SLC35F3: variants seen among roughly 807,000 people sequenced by gnomAD.
SLC35F3 encodes the protein putative thiamine transporter SLC35F3.
In SLC35F3, 25 loss-of-function variants were observed where a neutral mutation model predicts 49.9. The observed-to-expected ratio is 0.50, with a 90% CI of 0.37 to 0.70. The LOEUF is 0.70. SLC35F3 is among the 30% of genes least tolerant of loss of function. The pLI, the probability that SLC35F3 is intolerant of heterozygous loss-of-function variation, is 0.00. For missense variants in SLC35F3, 525 were observed against 639.8 expected, an observed-to-expected ratio of 0.82 and a Z score of 1.94; for synonymous variants, 275 against 265.4, an observed-to-expected ratio of 1.04 and a Z score of -0.35.
chr1:234,127,618 G>A (rs1380801517), intron 2 of SLC35F3, among the ~76,000 whole-genome samples: 1 of 152,200 alleles, frequency 6.6e-6, no homozygotes. Context: ...TAATGTAAGA[G>A]AATGTCATAA....
chr1:234,123,631 T>C (rs933354145), intron 2 of SLC35F3, among the ~76,000 whole-genome samples: 1 of 151,530 alleles, frequency 6.6e-6, no homozygotes, highest in Non-Finnish European at 1.5e-5. Context: ...TTGCCCAGGC[T>C]ATTCTTGAAC....
intron 2 of SLC35F3, among the ~76,000 whole-genome samples, chr1:234,140,002 A>AATAAAATAAAATAAATAAAATAAAAT: frequency 1.9e-5 from 2 of 105,368 alleles, no homozygotes; most frequent in Admixed American, 9.0e-5. Context: ...AATAAAATAA[A>AATAAAATAAAATAAATAAAATAAAAT]GTAAGTGACT....
intron 2 of SLC35F3, among the ~76,000 whole-genome samples, chr1:233,971,370 G>A (rs147935813): frequency 6.6e-6 from 1 of 152,314 alleles, no homozygotes; most frequent in African/African-American, 2.4e-5. Context: ...AGGAAAGAGA[G>A]GAGGAAAAAA....
chr1:234,143,293 T>TTTTCTTTTC (rs1558241205), intron 2 of SLC35F3, among the ~76,000 whole-genome samples: 19 of 104,520 alleles, frequency 1.8e-4, no homozygotes, highest in African/African-American at 7.7e-4. Flanking sequence ...CTTTTCTTTT[T>TTTTCTTTTC]TTTTTTTTTT....
intron 2 of SLC35F3, among the ~76,000 whole-genome samples, chr1:233,971,298 A>G (rs1662987781): frequency 1.3e-5 from 2 of 152,244 alleles, no homozygotes; most frequent in African/African-American, 4.8e-5. Flanking sequence ...ATTACGAAGG[A>G]GAAGAACCAC....
Position 234,214,012 on chromosome 1 carries a change from C to A in SLC35F3, c.284-17405C>A. On this transcript the variant is annotated intron_variant, in intron 2 of 7. Coordinates refer to ENST00000366618, the MANE Select transcript of SLC35F3 (RefSeq NM_173508.4). This position sits in a 1 kb window ranked among gnomAD's most constrained non-coding sequence, Gnocchi z 8.0. ...CACTTCCCTTTTTAAACTTGTGCAACGCTGAGGCTTAAGTTCTCAGGGTCT... is the reference window on the plus strand; with the variant it reads ...CACTTCCCTTTTTAAACTTGTGCAAAGCTGAGGCTTAAGTTCTCAGGGTCT... 1 of 195,992 alleles carries A rather than the reference C, an allele frequency of 5.1e-6. No homozygotes were observed. Among genetic ancestry groups the A allele is most frequent in the Non-Finnish European group, 9.3e-6 (1 of 107,564 alleles). 12.1% of individuals were successfully genotyped at this position (195,992 alleles called of 1,614,324 possible). A position where few individuals can be genotyped will look rare whatever the true frequency, so the allele number is the denominator to read the frequency against.
chr1:234,186,742 G>A (rs192060779), intron 2 of SLC35F3, among the ~76,000 whole-genome samples: 1 of 152,276 alleles, frequency 6.6e-6, no homozygotes, highest in East Asian at 1.9e-4. Flanking sequence ...CAACATGCTG[G>A]ACCAGGTATC....
chr1:233,970,924 C>T (rs1233423193), intron 2 of SLC35F3, among the ~76,000 whole-genome samples: 1 of 152,204 alleles, frequency 6.6e-6, no homozygotes, highest in Non-Finnish European at 1.5e-5. Flanking sequence ...AGACTGTGTT[C>T]AATTCCTAAA....
intron 1 of SLC35F3, 88 bp from the exon 2 acceptor site, chr1:233,905,441 C>T (rs1661757797): frequency 1.9e-6 from 2 of 1,031,706 alleles, no homozygotes; most frequent in South Asian, 1.6e-5. Flanking sequence ...CTCTTGCTCT[C>T]GCCCTGGGAT....
At chr1:233,944,311 A>T (rs948530620) in intron 2 of SLC35F3, among the ~76,000 whole-genome samples, 1 of 152,234 alleles carries the variant, frequency 6.6e-6, no homozygotes, top group Admixed American at 6.5e-5. Flanking sequence ...AAGCCTTCTC[A>T]GTTGAACACT....
intron 2 of SLC35F3, among the ~76,000 whole-genome samples, chr1:234,092,338 T>C (rs1326982313): frequency 2.0e-5 from 3 of 152,176 alleles, no homozygotes; most frequent in Non-Finnish European, 4.4e-5. Context: ...TCTTCCTTTC[T>C]CTCTTCCATT....
intron 3 of SLC35F3, among the ~76,000 whole-genome samples, chr1:234,268,239 G>T (rs553839596): frequency 1.1e-4 from 17 of 152,284 alleles, no homozygotes; most frequent in African/African-American, 3.8e-4. Flanking sequence ...GATCACTCGC[G>T]ATTAGGAGCT....
chr1:234,040,358 C>T (rs539356713), intron 2 of SLC35F3, among the ~76,000 whole-genome samples: 47 of 152,178 alleles, frequency 3.1e-4, no homozygotes, highest in Middle Eastern at 3.4e-3. Flanking sequence ...TGTAAAAAGA[C>T]GTTATTCAAA....
intron 3 of SLC35F3, among the ~76,000 whole-genome samples, chr1:234,299,856 G>A (rs1428908355): frequency 6.8e-6 from 1 of 146,620 alleles, no homozygotes; most frequent in East Asian, 2.0e-4. Context: ...GATTGTAAAT[G>A]TTATATGTAT....
intron 2 of SLC35F3, among the ~76,000 whole-genome samples, chr1:234,207,930 G>A (rs1033202956): frequency 1.3e-5 from 2 of 152,204 alleles, no homozygotes; most frequent in African/African-American, 4.8e-5. Flanking sequence ...GATTGCTTGA[G>A]CCTAGGAGTT....
chr1:234,007,720 G>A (rs1327394457), intron 2 of SLC35F3, among the ~76,000 whole-genome samples: 2 of 152,114 alleles, frequency 1.3e-5, no homozygotes, highest in African/African-American at 4.8e-5. Context: ...TGAAATTTTT[G>A]GTTAATGGGC....
At chr1:233,980,412 G>C (rs909368922) in intron 2 of SLC35F3, among the ~76,000 whole-genome samples, 7 of 152,132 alleles carry the variant, frequency 4.6e-5, no homozygotes, top group Admixed American at 3.9e-4. Flanking sequence ...ACTTGGCCTT[G>C]GTCTCTTCTC....
At chr1:234,037,154 A>T (rs566650368) in intron 2 of SLC35F3, among the ~76,000 whole-genome samples, 21 of 152,330 alleles carry the variant, frequency 1.4e-4, no homozygotes, top group Non-Finnish European at 2.4e-4. Flanking sequence ...CTGTACATAA[A>T]ATGAGGCATA....
At chr1:234,308,366 C>T (rs1034145612) in intron 3 of SLC35F3, among the ~76,000 whole-genome samples, 3 of 152,198 alleles carry the variant, frequency 2.0e-5, no homozygotes, top group African/African-American at 7.2e-5. Context: ...GTCCAACCCC[C>T]GTCCCACAGG....
Sources: allele counts gnomAD v4.1 joint callset (sites outside exome capture counted in the v4.1 genomes callset), GRCh38; gene constraint gnomAD v4.1.1; non-coding constraint Gnocchi (gnomAD v3.1); transcripts MANE v1.5; gene names NCBI Gene and HGNC (gene_info 2026-07-23, HGNC 2026-07-21).